The following KIAA1328 variants were observed in gnomAD, a reference collection of about 807,000 sequenced individuals.
The protein encoded by KIAA1328 is KIAA1328.
In KIAA1328, 52 loss-of-function variants were observed where a neutral mutation model predicts 68.1. The ratio of observed to expected loss-of-function variants is 0.76; its 90% CI spans 0.61 to 0.96. The LOEUF (loss-of-function observed/expected upper bound fraction) is 0.96, where lower values mean the gene tolerates loss of function less well. Among genes scored for constraint, KIAA1328 ranks in the 40% least tolerant of loss-of-function variants. The pLI is 0.00. For missense variants in KIAA1328, 641 were observed against 677.6 expected (o/e 0.95, Z 0.60); for synonymous variants, 232 against 239.4 (o/e 0.97, Z 0.28).
chr18:36,991,501 T>C lies in KIAA1328; in HGVS notation c.576+32066T>C, dbSNP rs186504045. Among the ~76,000 whole-genome samples, 582 of 152,296 alleles carry C rather than the reference T, an allele frequency of 3.8e-3. 3 individuals are homozygous for C. Among genetic ancestry groups the C allele is most frequent in the Non-Finnish European group, 5.3e-3 (363 of 68,012 alleles). On this transcript the variant is annotated intron_variant, in intron 6 of 9. Coordinates refer to ENST00000280020, the MANE Select transcript of KIAA1328 (RefSeq NM_020776.3). ...ACAAAAACCTTGAGACTTTACTGGG[T>C]AGATTTATTTTCCTCAGGATATTTG...
At chr18:36,938,738 C>T (rs968720957) in intron 5 of KIAA1328, among the ~76,000 whole-genome samples, 6 of 152,108 alleles carry the variant, frequency 3.9e-5, no homozygotes, top group African/African-American at 1.4e-4. Context: ...AGTCTTTAAT[C>T]CATTTTAATT....
Position 36,885,688 on chromosome 18 carries a change from T to C in KIAA1328, c.448+16T>C. ...GAAAGGGAAGATATCCTTTTGAAAG[T>C]TCTCTTTTTTAACGTTCAAGAAGTT... On this transcript the variant is annotated intron_variant, in intron 5 of 9. Coordinates refer to ENST00000280020, the MANE Select transcript of KIAA1328 (RefSeq NM_020776.3). 1 of 1,456,046 alleles carries C rather than the reference T, an allele frequency of 6.9e-7. No homozygotes were observed. Among genetic ancestry groups the C allele is most frequent in the Non-Finnish European group, 9.3e-7 (1 of 1,069,826 alleles). 90.2% of individuals were successfully genotyped at this position (1,456,046 alleles called of 1,614,324 possible). A position where few individuals can be genotyped will look rare whatever the true frequency, so the allele number is the denominator to read the frequency against.
chr18:37,140,088 T>C (rs907375444), intron 7 of KIAA1328, among the ~76,000 whole-genome samples: 2 of 152,166 alleles, frequency 1.3e-5, no homozygotes, highest in Non-Finnish European at 2.9e-5. Context: ...TAGAACAAAT[T>C]AAAGGTATTT....
At chr18:37,011,990 A>T (rs2053995736) in intron 6 of KIAA1328, among the ~76,000 whole-genome samples, 1 of 152,202 alleles carries the variant, frequency 6.6e-6, no homozygotes, top group African/African-American at 2.4e-5. Context: ...TTTTAGTAAT[A>T]TCAAAAGATT....
At chr18:37,085,570 A>G (rs1178102163) in intron 7 of KIAA1328, among the ~76,000 whole-genome samples, 1 of 152,168 alleles carries the variant, frequency 6.6e-6, no homozygotes, top group East Asian at 1.9e-4. Flanking sequence ...CTATTCTGCC[A>G]TCTTGCTGAC....
intron 5 of KIAA1328, among the ~76,000 whole-genome samples, chr18:36,897,604 G>C (rs2048905715): frequency 6.6e-6 from 1 of 152,004 alleles, no homozygotes; most frequent in African/African-American, 2.4e-5. Flanking sequence ...CTATGATATG[G>C]TGACACAAGA....
At chr18:36,993,070 C>T (rs1482579253) in intron 6 of KIAA1328, among the ~76,000 whole-genome samples, 1 of 152,132 alleles carries the variant, frequency 6.6e-6, no homozygotes, top group Non-Finnish European at 1.5e-5. Flanking sequence ...CGTAACACTG[C>T]ACTTCAACCT....
chr18:36,941,124 G>A (rs1238495005), intron 5 of KIAA1328, among the ~76,000 whole-genome samples: 2 of 151,910 alleles, frequency 1.3e-5, no homozygotes, highest in Non-Finnish European at 2.9e-5. Context: ...ATTAGAGCAG[G>A]GACACAAACC....
intron 9 of KIAA1328, among the ~76,000 whole-genome samples, chr18:37,191,613 C>T (rs979435691): frequency 4.6e-5 from 7 of 152,240 alleles, no homozygotes; most frequent in Middle Eastern, 3.4e-3. Flanking sequence ...CTGCCTTTTC[C>T]AGGAAACACA....
At chr18:36,934,725 A>G (rs1247886295) in intron 5 of KIAA1328, among the ~76,000 whole-genome samples, 2 of 151,746 alleles carry the variant, frequency 1.3e-5, no homozygotes, top group East Asian at 1.9e-4. Flanking sequence ...TCATATTACC[A>G]TTTTTGTGAG....
At chr18:37,019,194 A>T (rs921459402) in intron 6 of KIAA1328, among the ~76,000 whole-genome samples, 1 of 151,472 alleles carries the variant, frequency 6.6e-6, no homozygotes, top group Non-Finnish European at 1.5e-5. Context: ...ACTGTGGAGA[A>T]TGCTGAGTAG....
At chr18:37,193,248 T>A (rs2059941146) in intron 9 of KIAA1328, among the ~76,000 whole-genome samples, 1 of 152,146 alleles carries the variant, frequency 6.6e-6, no homozygotes, top group East Asian at 1.9e-4. Flanking sequence ...CAGTCCCTCA[T>A]CCAAAACTCT....
At chr18:37,003,178 C>T (rs1175066210) in intron 6 of KIAA1328, among the ~76,000 whole-genome samples, 1 of 151,902 alleles carries the variant, frequency 6.6e-6, no homozygotes. Flanking sequence ...TCTCGATGTA[C>T]ACAAAAATCA....
chr18:37,169,519 TTGTG>T (rs377291936), intron 8 of KIAA1328, among the ~76,000 whole-genome samples: 3 of 149,938 alleles, frequency 2.0e-5, no homozygotes, highest in East Asian at 2.0e-4. Context: ...GTGTCTGTGT[TTGTG>T]TGTGTGTGTG....
intron 7 of KIAA1328, among the ~76,000 whole-genome samples, chr18:37,126,825 C>CA (rs2058402298): frequency 1.3e-5 from 2 of 152,188 alleles, no homozygotes; most frequent in South Asian, 4.1e-4. Context: ...ACTATATCAT[C>CA]AGGCTAGAAG....
At chr18:36,901,015 C>T (rs2049019492) in intron 5 of KIAA1328, among the ~76,000 whole-genome samples, 1 of 151,930 alleles carries the variant, frequency 6.6e-6, no homozygotes, top group South Asian at 2.1e-4. Context: ...AACTATATAC[C>T]TGACTAGGTT....
intron 9 of KIAA1328, among the ~76,000 whole-genome samples, chr18:37,184,247 T>G (rs926441770): frequency 3.3e-5 from 5 of 152,222 alleles, no homozygotes; most frequent in African/African-American, 1.2e-4. Flanking sequence ...ATCCCAGAAC[T>G]TCCTTGTATT....
chr18:36,990,160 A>G (rs2053116706), intron 6 of KIAA1328, among the ~76,000 whole-genome samples: 1 of 152,126 alleles, frequency 6.6e-6, no homozygotes, highest in African/African-American at 2.4e-5. Context: ...GTATGTTTCT[A>G]TACAGTGTCC....
At chr18:37,103,256 T>C (rs2057676222) in intron 7 of KIAA1328, among the ~76,000 whole-genome samples, 1 of 152,126 alleles carries the variant, frequency 6.6e-6, no homozygotes, top group South Asian at 2.1e-4. Context: ...CTTCAAGGTA[T>C]ATTAGAAAGG....
Sources: allele counts gnomAD v4.1 joint callset (sites outside exome capture counted in the v4.1 genomes callset), GRCh38; gene constraint gnomAD v4.1.1; transcripts MANE v1.5; gene names NCBI Gene and HGNC (gene_info 2026-07-23, HGNC 2026-07-21).